The following PRKN variants were observed in gnomAD, a reference collection of about 807,000 sequenced individuals.
The protein encoded by PRKN is parkin RBR E3 ubiquitin protein ligase.
PRKN carries 56 observed loss-of-function variants against 59.5 expected under a neutral mutation model. The ratio of observed to expected loss-of-function variants is 0.94; its 90% confidence interval spans 0.76 to 1.18. PRKN has a LOEUF of 1.18. Ranked by LOEUF, PRKN falls within the 50% of genes most tolerant of loss-of-function variation. PRKN has a pLI of 0.00. For missense variants in PRKN, 657 were observed against 596.4 expected (o/e 1.10, Z -1.06); for synonymous variants, 250 against 222.1 (o/e 1.13, Z -1.12).
intron 6 of PRKN, among the ~76,000 whole-genome samples, chr6:161,864,739 C>A (rs966161678): frequency 1.1e-4 from 17 of 152,132 alleles, no homozygotes. Context: ...TCACTGCAAC[C>A]TCCACGTCCC....
intron 6 of PRKN, among the ~76,000 whole-genome samples, chr6:161,885,568 G>C (rs555019485): frequency 2.6e-5 from 4 of 151,874 alleles, no homozygotes; most frequent in Non-Finnish European, 5.9e-5. Context: ...GGGAGGCTGA[G>C]GCAGGAGAAT....
At chr6:161,535,561 A>C (rs1027531791) in intron 9 of PRKN, among the ~76,000 whole-genome samples, 1 of 152,238 alleles carries the variant, frequency 6.6e-6, no homozygotes, top group Non-Finnish European at 1.5e-5. Flanking sequence ...CTAGCTGGGC[A>C]CATCGCACCC....
intron 2 of PRKN, among the ~76,000 whole-genome samples, chr6:162,375,418 TC>T (rs1171289676): frequency 6.6e-6 from 1 of 151,816 alleles, no homozygotes. Context: ...TTTTTTTTTT[TC>T]CATTTCTTTT....
At chr6:162,375,766 A>ACACAC (rs1562712438) in intron 2 of PRKN, among the ~76,000 whole-genome samples, 1 of 100,686 alleles carries the variant, frequency 9.9e-6, no homozygotes, top group Admixed American at 9.7e-5. Context: ...CACACACACA[A>ACACAC]ACACACACCC....
At chr6:161,764,533 T>C (rs1185955423) in intron 7 of PRKN, among the ~76,000 whole-genome samples, 2 of 152,214 alleles carry the variant, frequency 1.3e-5, no homozygotes, top group Non-Finnish European at 2.9e-5. Flanking sequence ...ATGCACCATT[T>C]TTAATGAAAA....
intron 2 of PRKN, among the ~76,000 whole-genome samples, chr6:162,398,442 G>C (rs1787593427): frequency 6.6e-6 from 1 of 151,682 alleles, no homozygotes; most frequent in African/African-American, 2.4e-5. Context: ...CCAGGCTGGA[G>C]TGCAATGGCA....
chr6:162,240,095 G>A (rs370772356), intron 3 of PRKN, among the ~76,000 whole-genome samples: 44 of 152,190 alleles, frequency 2.9e-4, no homozygotes, highest in African/African-American at 8.4e-4. Context: ...AATCCCAACC[G>A]GCAGGTTTTA....
chr6:161,527,418 A>G lies in PRKN; in HGVS notation c.1083+21436T>C, dbSNP rs1054173808. 6.6e-5 allele frequency among the ~76,000 whole-genome samples: 10 copies of G among 152,180 alleles called. No individual in the cohort carries two copies. Among genetic ancestry groups the G allele is most frequent in the Admixed American group, 6.5e-4 (10 of 15,282 alleles). On this transcript the variant is annotated intron_variant, in intron 9 of 11. Coordinates refer to ENST00000366898, the MANE Select transcript of PRKN (RefSeq NM_004562.3). The surrounding 1 kb of genome is among the most constrained non-coding windows in gnomAD (Gnocchi z 4.6). Reference sequence around the variant, plus strand: ...CACAAACAATTCCACCTATAAGGCCAGAAGGGCTGGGAAACAGGGCATTTC... The same window carrying G: ...CACAAACAATTCCACCTATAAGGCCGGAAGGGCTGGGAAACAGGGCATTTC...
At chr6:162,241,045 A>C (rs553268712) in intron 3 of PRKN, among the ~76,000 whole-genome samples, 1 of 152,196 alleles carries the variant, frequency 6.6e-6, no homozygotes, top group Non-Finnish European at 1.5e-5. Flanking sequence ...ATTTCCTTTC[A>C]ATGTTAGAAA....
intron 1 of PRKN, among the ~76,000 whole-genome samples, chr6:162,561,063 A>T (rs1779818605): frequency 6.6e-6 from 1 of 152,142 alleles, no homozygotes; most frequent in Admixed American, 6.5e-5. Flanking sequence ...AGGCGATCAA[A>T]GGAGCAGGGC....
At chr6:161,781,448 G>A (rs374721872) in intron 7 of PRKN, among the ~76,000 whole-genome samples, 3 of 152,274 alleles carry the variant, frequency 2.0e-5, no homozygotes, top group Non-Finnish European at 2.9e-5. Flanking sequence ...ATAAGATTCT[G>A]AGGATGGCAT....
At chr6:162,060,194 G>A (rs1562489284) in intron 4 of PRKN, among the ~76,000 whole-genome samples, 1 of 152,082 alleles carries the variant, frequency 6.6e-6, no homozygotes, top group South Asian at 2.1e-4. Context: ...ACATATAATC[G>A]CATATGTTTG....
chr6:161,384,352 G>A (rs548596656), intron 10 of PRKN, among the ~76,000 whole-genome samples: 1 of 152,136 alleles, frequency 6.6e-6, no homozygotes, highest in African/African-American at 2.4e-5. Flanking sequence ...ACCCCAGCCT[G>A]GGCAACATGC....
At chr6:161,829,869 ATGC>A (rs1792409198) in intron 6 of PRKN, among the ~76,000 whole-genome samples, 7 of 149,192 alleles carry the variant, frequency 4.7e-5, no homozygotes, top group Non-Finnish European at 7.4e-5. Flanking sequence ...AAAAAAAAAA[ATGC>A]CAATACAAGA....
chr6:161,414,214 G>A lies in PRKN; in HGVS notation c.1084-27337C>T, dbSNP rs1379465143. Reference sequence around the variant, plus strand: ...CTCCATGCACAATTTTGCAGAAGAGGCTCTTTCCAGCATTTTCTCCCCAGA... The same window carrying A: ...CTCCATGCACAATTTTGCAGAAGAGACTCTTTCCAGCATTTTCTCCCCAGA... On this transcript the variant is annotated intron_variant, in intron 9 of 11. Transcript: ENST00000366898. The surrounding 1 kb of genome is among the most constrained non-coding windows in gnomAD (Gnocchi z 5.3). Among the ~76,000 whole-genome samples, 1 of 152,176 alleles carries A rather than the reference G, an allele frequency of 6.6e-6. No individual in the cohort carries two copies. Among genetic ancestry groups the A allele is most frequent in the Non-Finnish European group, 1.5e-5 (1 of 68,032 alleles).
At chr6:161,450,039 C>T (rs1246116298) in intron 9 of PRKN, among the ~76,000 whole-genome samples, 2 of 152,198 alleles carry the variant, frequency 1.3e-5, no homozygotes, top group African/African-American at 2.4e-5. Flanking sequence ...GGTAGTCTGG[C>T]TGCCTGCATT....
chr6:162,696,322 T>C (rs1481424479), intron 1 of PRKN, among the ~76,000 whole-genome samples: 1 of 152,072 alleles, frequency 6.6e-6, no homozygotes, highest in African/African-American at 2.4e-5. Context: ...CCTGAGAAAG[T>C]GCCACGCTCA....
intron 7 of PRKN, among the ~76,000 whole-genome samples, chr6:161,745,568 G>A (rs1397688433): frequency 1.3e-5 from 2 of 152,180 alleles, no homozygotes; most frequent in African/African-American, 4.8e-5. Context: ...CTGTTGGAAC[G>A]TGAATATCTT....
intron 1 of PRKN, among the ~76,000 whole-genome samples, chr6:162,651,069 T>C (rs575535640): frequency 6.6e-6 from 1 of 152,294 alleles, no homozygotes; most frequent in Non-Finnish European, 1.5e-5. Flanking sequence ...CATACTGAAA[T>C]ACTTTATTAT....
Sources: allele counts gnomAD v4.1 joint callset (sites outside exome capture counted in the v4.1 genomes callset), GRCh38; gene constraint gnomAD v4.1.1; non-coding constraint Gnocchi (gnomAD v3.1); transcripts MANE v1.5; gene names NCBI Gene and HGNC (gene_info 2026-07-23, HGNC 2026-07-21).